Variants in TBC1D22A observed in about 807,000 individuals in gnomAD.
TBC1D22A encodes TBC1 domain family member 22A, also known as putative GTPase activator.
TBC1D22A carries 38 observed loss-of-function variants against 60.2 expected under a neutral mutation model. The ratio of observed to expected loss-of-function variants is 0.63; its 90% CI spans 0.49 to 0.83. The LOEUF is 0.83. Ranked by LOEUF, TBC1D22A falls within the 40% of genes least tolerant of loss-of-function variation. The pLI, the probability that TBC1D22A is intolerant of heterozygous loss-of-function variation, is 0.00. For synonymous variants in TBC1D22A, 302 were observed against 281.7 expected (o/e 1.07, Z -0.72); for missense variants, 628 against 701.0 (o/e 0.90, Z 1.18).
intron 11 of TBC1D22A, among the ~76,000 whole-genome samples, chr22:47,050,153 G>A (rs553330396): frequency 5.3e-5 from 8 of 152,344 alleles, no homozygotes; most frequent in Middle Eastern, 3.4e-3. Context: ...TAAGGCGCCT[G>A]CCACCACGCC....
intron 12 of TBC1D22A, among the ~76,000 whole-genome samples, chr22:47,162,888 C>G (rs1287154585): frequency 2.0e-5 from 3 of 152,074 alleles, no homozygotes; most frequent in Non-Finnish European, 4.4e-5. Context: ...GATATGTAGG[C>G]CCTCCCCTCG....
intron 4 of TBC1D22A, among the ~76,000 whole-genome samples, chr22:46,849,401 C>A (rs994935793): frequency 2.0e-5 from 3 of 152,218 alleles, no homozygotes; most frequent in Admixed American, 2.0e-4. Context: ...TTAGTGGAGG[C>A]CTCAGATCCC....
intron 8 of TBC1D22A, chr22:46,916,162 T>C (rs888097752): frequency 6.3e-5 from 23 of 364,462 alleles, no homozygotes; most frequent in South Asian, 1.4e-4. Flanking sequence ...CTGCTGTGGT[T>C]GAGGTTGACA....
chr22:47,155,801 G>T (rs2067692826), intron 12 of TBC1D22A, among the ~76,000 whole-genome samples: 1 of 151,696 alleles, frequency 6.6e-6, no homozygotes, highest in Non-Finnish European at 1.5e-5. Context: ...GGCGCAGCCT[G>T]ACCTTTCTGT....
chr22:47,092,205 C>T (rs2065004335), intron 11 of TBC1D22A, among the ~76,000 whole-genome samples: 1 of 152,126 alleles, frequency 6.6e-6, no homozygotes, highest in Admixed American at 6.5e-5. Flanking sequence ...CTTACCCTGG[C>T]CTCAGGAGTC....
At chr22:46,779,038 CT>C (rs2083825156) in intron 1 of TBC1D22A, among the ~76,000 whole-genome samples, 1 of 152,160 alleles carries the variant, frequency 6.6e-6, no homozygotes, top group African/African-American at 2.4e-5. Flanking sequence ...GAGCAAAACT[CT>C]GTCTCAAATA....
intron 4 of TBC1D22A, among the ~76,000 whole-genome samples, chr22:46,849,599 G>A (rs994334927): frequency 4.6e-5 from 7 of 152,158 alleles, no homozygotes; most frequent in Admixed American, 1.3e-4. Flanking sequence ...GGGAGAGGCT[G>A]GGCAGTGGGC....
intron 8 of TBC1D22A, among the ~76,000 whole-genome samples, chr22:46,954,424 C>T (rs1569267324): frequency 6.6e-6 from 1 of 152,198 alleles, no homozygotes; most frequent in Admixed American, 6.5e-5. Context: ...GGATTTTGTG[C>T]AGGTCAGATA....
intron 4 of TBC1D22A, among the ~76,000 whole-genome samples, chr22:46,872,847 A>G (rs60153082): frequency 0.2 from 29,796 of 152,158 alleles, 4,233 homozygotes; most frequent in African/African-American, 0.4. Context: ...GTGGGATTCT[A>G]TGAGCTGGGG....
At chr22:46,959,084 G>C (rs1004075026) in intron 8 of TBC1D22A, among the ~76,000 whole-genome samples, 1 of 152,210 alleles carries the variant, frequency 6.6e-6, no homozygotes, top group Non-Finnish European at 1.5e-5. Flanking sequence ...TCTCCTGACA[G>C]CTCAGCCAGA....
At chr22:47,084,353 C>G (rs896659600) in intron 11 of TBC1D22A, among the ~76,000 whole-genome samples, 2 of 152,168 alleles carry the variant, frequency 1.3e-5, no homozygotes, top group South Asian at 4.1e-4. Context: ...ACGACTGGAC[C>G]GGCAGCTTCC....
chr22:46,962,905 C>T (rs542620729), intron 8 of TBC1D22A, among the ~76,000 whole-genome samples: 37 of 152,170 alleles, frequency 2.4e-4, no homozygotes, highest in African/African-American at 4.8e-4. Flanking sequence ...TTTTTTGTGA[C>T]GATGACTTTA....
intron 9 of TBC1D22A, among the ~76,000 whole-genome samples, chr22:46,989,415 T>G (rs1488017063): frequency 2.6e-5 from 4 of 152,278 alleles, no homozygotes; most frequent in East Asian, 1.9e-4. Flanking sequence ...CCAAGCGTAA[T>G]CTTTCTGGCT....
intron 4 of TBC1D22A, among the ~76,000 whole-genome samples, chr22:46,877,524 G>C (rs1276956498): frequency 6.6e-6 from 1 of 152,150 alleles, no homozygotes; most frequent in Admixed American, 6.5e-5. Context: ...ATATCCTTAG[G>C]GTACTGGGGA....
chr22:46,984,119 C>A (rs2074619856), intron 9 of TBC1D22A, among the ~76,000 whole-genome samples: 1 of 151,540 alleles, frequency 6.6e-6, no homozygotes. Context: ...GTAATCCCAG[C>A]ACTTTGGGAG....
intron 11 of TBC1D22A, among the ~76,000 whole-genome samples, chr22:47,057,445 C>T (rs557716980): frequency 6.6e-5 from 10 of 152,320 alleles, no homozygotes; most frequent in Middle Eastern, 3.4e-3. Flanking sequence ...CACTTTCTTT[C>T]CGGGAGCCGT....
intron 8 of TBC1D22A, among the ~76,000 whole-genome samples, chr22:46,970,938 G>A (rs1291734575): frequency 6.6e-6 from 1 of 152,148 alleles, no homozygotes; most frequent in Non-Finnish European, 1.5e-5. Flanking sequence ...TCTGCAGCTT[G>A]TCCTGGCCCT....
In TBC1D22A at chr22:46,803,858, A is replaced by G. The variant is rs892236939; in HGVS notation, c.637+6238A>G. ...AGTCCTTCTGTGCATGCACTGGCCC[A>G]GCCACACCCAGATCCTTGCTGGCCC... On this transcript the variant is annotated intron_variant, in intron 4 of 12. Transcript: ENST00000337137. Among the ~76,000 whole-genome samples the G allele has an allele frequency of 3.9e-5, 6 of 152,302 alleles. No homozygotes were observed. The South Asian group carries it at 1.0e-3, about 26-fold the overall frequency.
chr22:46,796,351 G>A (rs1453539074), intron 3 of TBC1D22A, among the ~76,000 whole-genome samples: 1 of 152,188 alleles, frequency 6.6e-6, no homozygotes, highest in African/African-American at 2.4e-5. Flanking sequence ...TAAGGGAAAT[G>A]GGGGTGCTCT....
Sources: allele counts gnomAD v4.1 joint callset (sites outside exome capture counted in the v4.1 genomes callset), GRCh38; gene constraint gnomAD v4.1.1; transcripts MANE v1.5; gene names NCBI Gene and HGNC (gene_info 2026-07-23, HGNC 2026-07-21).